NBN: variants seen among roughly 807,000 people sequenced by gnomAD.
The protein encoded by NBN is Nijmegen breakage syndrome 1 (nibrin).
A neutral mutation model predicts 90.8 loss-of-function variants in NBN; 88 were observed. The observed-to-expected ratio is 0.97, with a 90% CI of 0.82 to 1.16. The LOEUF (loss-of-function observed/expected upper bound fraction) is 1.16. Among genes scored for constraint, NBN ranks in the 50% most tolerant of loss-of-function variants. The probability of loss-of-function intolerance (pLI) is 0.00; values close to 1 mark genes in which losing one functional copy is unlikely to be tolerated. For synonymous variants in NBN, 328 were observed against 295.1 expected (o/e 1.11, Z -1.14); for missense variants, 894 against 869.6 (o/e 1.03, Z -0.35).
intron 14 of NBN, among the ~76,000 whole-genome samples, chr8:89,940,865 A>C (rs1809908093): frequency 1.3e-5 from 2 of 151,388 alleles, no homozygotes; most frequent in Non-Finnish European, 2.9e-5. Flanking sequence ...ACTGTTATAA[A>C]TGATTTATAT....
intron 7 of NBN, among the ~76,000 whole-genome samples, chr8:89,966,299 T>C (rs1216227529): frequency 6.6e-6 from 1 of 152,144 alleles, no homozygotes; most frequent in Admixed American, 6.5e-5. Context: ...ATGATAATGA[T>C]TTATAGAAAA....
intron 7 of NBN, among the ~76,000 whole-genome samples, chr8:89,965,653 C>A (rs138618201): frequency 0.033 from 5,062 of 152,082 alleles, 113 homozygotes; most frequent in Middle Eastern, 0.061. Context: ...ACACACCCAG[C>A]TAATTTTTGT....
rs1269074946 is a variant in NBN, at chr8:89,982,567, CAATAT to C, written c.171+150_171+154del. 4.9e-5 allele frequency: 34 copies of C among 688,020 alleles called. No homozygotes were observed. In the Admixed American group the frequency reaches 8.0e-4, roughly 16 times the overall value. 42.6% of individuals were successfully genotyped at this position (688,020 alleles called of 1,614,324 possible). A position where few individuals can be genotyped will look rare whatever the true frequency, so the allele number is the denominator to read the frequency against. On this transcript the variant is annotated intron_variant, in intron 2 of 15. Transcript: ENST00000265433. The stretch of plus-strand genomic sequence containing the variant: ...ACAAATACCACTGGTACCACTGCCA[CAATAT>C]AAGTATTTAATTTTGTTAACATTAA...
chr8:89,942,275 T>C (rs902295589), intron 14 of NBN, among the ~76,000 whole-genome samples: 11 of 152,190 alleles, frequency 7.2e-5, no homozygotes, highest in Admixed American at 2.0e-4. Context: ...CTCCAGCTTC[T>C]GGTCCAAATA....
chr8:89,955,627 T>C, intron 9 of NBN, 72 bp from the exon 10 acceptor site: 2 of 1,480,868 alleles, frequency 1.4e-6, no homozygotes, highest in South Asian at 1.2e-5. Context: ...ACAAAGATCG[T>C]TAAATAGTTC....
chr8:89,951,311 CAAAA>C (rs71268296), intron 11 of NBN, among the ~76,000 whole-genome samples: 3 of 68,260 alleles, frequency 4.4e-5, no homozygotes, highest in Non-Finnish European at 5.7e-5. Flanking sequence ...GACTCTGTCT[CAAAA>C]AAAAAAAAAA....
intron 11 of NBN, among the ~76,000 whole-genome samples, chr8:89,952,679 T>C (rs1586051763): frequency 6.6e-6 from 1 of 152,098 alleles, no homozygotes; most frequent in East Asian, 1.9e-4. Context: ...AATATTAAAG[T>C]TTTACTTCAT....
At chr8:89,979,204 C>A (rs1438848881) in intron 4 of NBN, among the ~76,000 whole-genome samples, 8 of 152,180 alleles carry the variant, frequency 5.3e-5, no homozygotes, top group African/African-American at 1.9e-4. Flanking sequence ...GTCTCAAATT[C>A]CTGGGCTCAA....
intron 2 of NBN, 193 bp from the exon 3 acceptor site, chr8:89,981,716 T>C: frequency 3.1e-6 from 2 of 642,642 alleles, no homozygotes; most frequent in South Asian, 3.9e-5. Context: ...GGGAAGTTTC[T>C]TAACCCAGGA....
chr8:89,942,383 C>T (rs539322522), intron 14 of NBN, among the ~76,000 whole-genome samples: 2 of 152,164 alleles, frequency 1.3e-5, no homozygotes, highest in South Asian at 2.1e-4. Context: ...AGATAGAAAA[C>T]GTATCTTTTC....
rs13312973 is a variant in NBN, at chr8:89,935,784, G to A, written c.2235-172C>T. On this transcript the variant is annotated intron_variant, in intron 15 of 15. Transcript: ENST00000265433. ...CATTTTTATTTTCATGTATCCCTTTGATGTTGCTTTGATGAAAATATGGTA... is the reference window on the plus strand; with the variant it reads ...CATTTTTATTTTCATGTATCCCTTTAATGTTGCTTTGATGAAAATATGGTA... The A allele has an allele frequency of 0.037, 10,860 of 292,352 alleles. 1,046 individuals are homozygous for A. The highest frequency in any genetic ancestry group is 0.22 in the African/African-American group (9,601 of 43,790). 18.1% of individuals were successfully genotyped at this position (292,352 alleles called of 1,614,324 possible).
chr8:89,982,912 C>A (rs746098228), intron 1 of NBN, 57 bp from the exon 2 acceptor site: 2 of 1,523,602 alleles, frequency 1.3e-6, no homozygotes, highest in South Asian at 1.1e-5. Context: ...CACATGTACA[C>A]GAACACACAC....
At chr8:89,938,611 G>T (rs1411305693) in intron 14 of NBN, among the ~76,000 whole-genome samples, 1 of 152,140 alleles carries the variant, frequency 6.6e-6, no homozygotes. Context: ...AACTCAGATG[G>T]AATAGCTGGG....
rs1053297568 is a variant in NBN, at chr8:89,946,306, G to A, written c.1915-11C>T. On this transcript the variant is annotated splice_polypyrimidine_tract_variant and intron_variant, in intron 12 of 15. Transcript: ENST00000265433. ...AAGTTTGTCATTGTTCTTAAATGGG[G>A]TTAAGATGGATAGGTAAGAAAGAGA... 6.4e-7 allele frequency: 1 copy of A among 1,564,804 alleles called. No individual in the cohort carries two copies. The highest frequency in any genetic ancestry group is 1.1e-5 in the South Asian group (1 of 89,906).
chr8:89,972,819 A>T (rs1811577513), intron 5 of NBN, among the ~76,000 whole-genome samples: 1 of 152,238 alleles, frequency 6.6e-6, no homozygotes. Flanking sequence ...AACACATATG[A>T]CTGTGTGTTA....
Position 89,978,281 on chromosome 8 carries a change from C to G in NBN, c.523G>C (p.Glu175Gln), listed in dbSNP as rs730881861. 6.9e-6 allele frequency: 11 copies of G among 1,599,678 alleles called. No homozygotes were observed. Among genetic ancestry groups the G allele is most frequent in the South Asian group, 1.1e-5 (1 of 90,724 alleles). ...LICGRPIVKP[E>Q]YFTEFLKAVE... ...GCTTTCAGGAATTCAGTAAAATATTCTGGCTTTACAATTGGACGTCCACAA... is the reference window on the plus strand; with the variant it reads ...GCTTTCAGGAATTCAGTAAAATATTGTGGCTTTACAATTGGACGTCCACAA... The change falls in exon 5 of 16, where the codon GAA becomes CAA. Residue 175 changes from glutamate (E) to glutamine (Q), a missense_variant. Coordinates refer to ENST00000265433, the MANE Select transcript of NBN (RefSeq NM_002485.5).
intron 15 of NBN, among the ~76,000 whole-genome samples, chr8:89,936,795 T>C (rs999500376): frequency 1.3e-5 from 2 of 152,200 alleles, no homozygotes; most frequent in Non-Finnish European, 1.5e-5. Context: ...TCTTTTTGCC[T>C]GAATGCCCCC....
Position 89,981,518 on chromosome 8 carries a change from T to C in NBN, c.177A>G (p.Gln59=), listed in dbSNP as rs758457183. 2.5e-6 allele frequency: 4 copies of C among 1,613,202 alleles called. 1 individual carries two copies. In the Admixed American group the frequency reaches 6.7e-5, roughly 27 times the overall value. Residue 59 remains glutamine, a synonymous_variant, in exon 3 of 16, where the codon CAA becomes CAG. Transcript: ENST00000265433. The part of the protein sequence containing the change: ...TANFSVTNLS[Q]TDEIPVLTLK... Reference sequence around the variant, plus strand: ...ATGTCAATACAGGGATTTCATCTGTTTGACTCTGAAAAGTTAGCAAATAAT... The same window carrying C: ...ATGTCAATACAGGGATTTCATCTGTCTGACTCTGAAAAGTTAGCAAATAAT...
chr8:89,955,397 T>A lies in NBN; in HGVS notation c.1283A>T (p.Asn428Ile), dbSNP rs1406123091. Residue 428 changes from asparagine to isoleucine, a missense_variant, in exon 10 of 16, where the codon AAC becomes ATC. Asn to Ile is a moderately radical substitution (Grantham distance 149). Coordinates refer to ENST00000265433, the MANE Select transcript of NBN (RefSeq NM_002485.5). ...SNTLAKMRIP[N>I]YQLSPTKLPS... Reference sequence around the variant, plus strand: ...CAATTTAGTTGGTGAAAGCTGATAGTTTGGGATTCTCATCTTAGCCAAAGT... The same window carrying A: ...CAATTTAGTTGGTGAAAGCTGATAGATTGGGATTCTCATCTTAGCCAAAGT... The A allele has an allele frequency of 1.9e-6, 3 of 1,613,878 alleles. No individual in the cohort carries two copies. The highest frequency in any genetic ancestry group is 1.7e-6 in the Non-Finnish European group (2 of 1,179,794).
Sources: gnomAD v4.1 joint callset for allele counts (sites outside exome capture counted in the v4.1 genomes callset) on GRCh38, gnomAD v4.1.1 for gene constraint, MANE v1.5 for transcripts, NCBI Gene and HGNC (gene_info 2026-07-23, HGNC 2026-07-21) for gene names.